MEF2A: variants seen among roughly 807,000 people sequenced by gnomAD.
MEF2A encodes the protein myocyte-specific enhancer factor 2A.
Under a neutral mutation model 55.8 loss-of-function variants are expected in MEF2A, and 28 were observed. That is an observed-to-expected ratio of 0.50 (90% CI 0.37 to 0.69). MEF2A has a LOEUF of 0.69. MEF2A is among the 30% of genes least tolerant of loss of function. The probability of loss-of-function intolerance (pLI) is 0.00; values close to 1 mark genes in which losing one functional copy is unlikely to be tolerated. For synonymous variants in MEF2A, 239 were observed against 227.1 expected, an observed-to-expected ratio of 1.05 and a Z score of -0.47; for missense variants, 528 against 626.2, an observed-to-expected ratio of 0.84 and a Z score of 1.67.
At chr15:99,632,423 G>A (rs976231560) in intron 2 of MEF2A, among the ~76,000 whole-genome samples, 19 of 152,172 alleles carry the variant, frequency 1.2e-4, no homozygotes, top group African/African-American at 3.9e-4. Flanking sequence ...GACAGATTGG[G>A]GCTATCCAGA....
intron 4 of MEF2A, among the ~76,000 whole-genome samples, chr15:99,666,712 G>A (rs937426641): frequency 2.0e-5 from 3 of 152,036 alleles, no homozygotes; most frequent in Non-Finnish European, 4.4e-5. Flanking sequence ...AACCTTCTAA[G>A]TTTGATTTGG....
At chr15:99,679,532 G>T (rs903051752) in intron 7 of MEF2A, among the ~76,000 whole-genome samples, 1 of 152,228 alleles carries the variant, frequency 6.6e-6, no homozygotes, top group African/African-American at 2.4e-5. Flanking sequence ...GGATGCTTGT[G>T]TAGATAGATG....
chr15:99,641,506 G>A (rs1234116057), intron 3 of MEF2A, among the ~76,000 whole-genome samples: 4 of 152,066 alleles, frequency 2.6e-5, no homozygotes, highest in Admixed American at 6.5e-5. Context: ...GGCGGATCAC[G>A]AGGTCAGGAG....
At chr15:99,706,138 A>G (rs756831747) in intron 9 of MEF2A, among the ~76,000 whole-genome samples, 2 of 152,240 alleles carry the variant, frequency 1.3e-5, no homozygotes, top group Non-Finnish European at 2.9e-5. Flanking sequence ...TTCTCTACTC[A>G]AAGCCTCTGC....
At chr15:99,708,550 ATCTT>A (rs1353499428) in intron 10 of MEF2A, among the ~76,000 whole-genome samples, 2 of 152,176 alleles carry the variant, frequency 1.3e-5, no homozygotes, top group African/African-American at 4.8e-5. Flanking sequence ...GACCGACTTT[ATCTT>A]TCTTCTCTTT....
At chr15:99,693,187 C>A (rs1254944293) in intron 8 of MEF2A, among the ~76,000 whole-genome samples, 1 of 152,114 alleles carries the variant, frequency 6.6e-6, no homozygotes, top group East Asian at 1.9e-4. Context: ...AGGGAAAAAC[C>A]TGTAGGTCTA....
At chr15:99,595,882 G>A (rs1416633237) in intron 1 of MEF2A, among the ~76,000 whole-genome samples, 1 of 152,180 alleles carries the variant, frequency 6.6e-6, no homozygotes, top group Admixed American at 6.5e-5. Flanking sequence ...TTAACAGTGT[G>A]TGTCAACGGG....
chr15:99,621,705 C>T (rs1275807721), intron 2 of MEF2A, among the ~76,000 whole-genome samples: 1 of 152,094 alleles, frequency 6.6e-6, no homozygotes, highest in African/African-American at 2.4e-5. Context: ...TCTCAAGTTT[C>T]GTATGTCCAA....
intron 8 of MEF2A, among the ~76,000 whole-genome samples, chr15:99,691,225 G>A (rs182730): frequency 0.89 from 134,962 of 151,690 alleles, 62,246 homozygotes; most frequent in East Asian, 1. Flanking sequence ...AAACAAAGAG[G>A]AAACCCCTCG....
At chr15:99,646,991 T>C (rs1391758136) in intron 4 of MEF2A, among the ~76,000 whole-genome samples, 1 of 152,122 alleles carries the variant, frequency 6.6e-6, no homozygotes, top group East Asian at 1.9e-4. Context: ...TAACCTCCCC[T>C]GAATTGTATA....
intron 7 of MEF2A, among the ~76,000 whole-genome samples, chr15:99,677,604 T>C (rs2153660840): frequency 6.6e-6 from 1 of 152,164 alleles, no homozygotes; most frequent in South Asian, 2.1e-4. Flanking sequence ...ATACGTTAAA[T>C]TGAAGTCCCA....
At chr15:99,615,036 A>C (rs1386151326) in intron 2 of MEF2A, among the ~76,000 whole-genome samples, 1 of 152,206 alleles carries the variant, frequency 6.6e-6, no homozygotes, top group Non-Finnish European at 1.5e-5. Context: ...AATGAAAATG[A>C]GGAAATTGCA....
chr15:99,589,978 G>T (rs998466510), intron 1 of MEF2A, among the ~76,000 whole-genome samples: 1 of 152,042 alleles, frequency 6.6e-6, no homozygotes, highest in East Asian at 1.9e-4. Context: ...TTCTTATGTG[G>T]TTGGTTGTAG....
intron 3 of MEF2A, among the ~76,000 whole-genome samples, chr15:99,642,153 T>C (rs562804077): frequency 1.9e-4 from 29 of 152,282 alleles, no homozygotes; most frequent in South Asian, 4.1e-4. Context: ...CTATTTCTTT[T>C]CCCCAGAACA....
chr15:99,653,392 T>G (rs2047178398), intron 4 of MEF2A, among the ~76,000 whole-genome samples: 1 of 152,214 alleles, frequency 6.6e-6, no homozygotes, highest in Non-Finnish European at 1.5e-5. Context: ...GACACCTTCT[T>G]GCATAGATTA....
At chr15:99,689,542 A>G (rs1161814725) in intron 7 of MEF2A, among the ~76,000 whole-genome samples, 2 of 152,158 alleles carry the variant, frequency 1.3e-5, no homozygotes, top group African/African-American at 4.8e-5. Context: ...GTGCAGGGGC[A>G]TGATCTCAGC....
At chr15:99,675,522 G>A in intron 7 of MEF2A, 64 bp downstream of exon 7, 2 of 1,386,252 alleles carry the variant, frequency 1.4e-6, no homozygotes, top group South Asian at 2.5e-5. Context: ...AAGGAATGTT[G>A]TTCCTGAAAT....
intron 4 of MEF2A, among the ~76,000 whole-genome samples, chr15:99,659,662 G>A (rs2048321284): frequency 6.6e-6 from 1 of 152,164 alleles, no homozygotes; most frequent in Non-Finnish European, 1.5e-5. Flanking sequence ...GTGTTGAGGT[G>A]AGGTGAGGGA....
At chr15:99,620,035 CTTGTT>C (rs1292890039) in intron 2 of MEF2A, among the ~76,000 whole-genome samples, 1 of 152,088 alleles carries the variant, frequency 6.6e-6, no homozygotes, top group Non-Finnish European at 1.5e-5. Context: ...TCCATTAGTT[CTTGTT>C]TTGTAGTAAC....
Sources: gnomAD v4.1 joint callset for allele counts (sites outside exome capture counted in the v4.1 genomes callset) on GRCh38, gnomAD v4.1.1 for gene constraint, MANE v1.5 for transcripts, NCBI Gene and HGNC (gene_info 2026-07-23, HGNC 2026-07-21) for gene names.